Variants in ZNF557 observed in about 807,000 individuals in gnomAD.
ZNF557 encodes zinc finger protein 557, also known as CTB-25J19.9.
In ZNF557, 19 loss-of-function variants were observed where a neutral mutation model predicts 21.2. The ratio of observed to expected loss-of-function variants is 0.90; its 90% CI spans 0.63 to 1.32. ZNF557 has a LOEUF of 1.32. Among genes scored for constraint, ZNF557 ranks in the 40% most tolerant of loss-of-function variants. The pLI is 0.00. For missense variants in ZNF557, 487 were observed against 519.8 expected, an observed-to-expected ratio of 0.94 and a Z score of 0.61; for synonymous variants, 207 against 194.8, an observed-to-expected ratio of 1.06 and a Z score of -0.52.
chr19:7,070,861 G>A (rs1977444211), intron 2 of ZNF557, among the ~76,000 whole-genome samples: 1 of 151,692 alleles, frequency 6.6e-6, no homozygotes, highest in South Asian at 2.1e-4. Context: ...TGCCTCCCAG[G>A]TTCAAGCAGT....
chr19:7,080,632 C>G (rs775572144), intron 5 of ZNF557, among the ~76,000 whole-genome samples: 8 of 152,188 alleles, frequency 5.3e-5, no homozygotes, highest in Non-Finnish European at 7.3e-5. Context: ...CTGTTCCCTT[C>G]AGCACTAGAA....
chr19:7,072,833 C>T (rs1172043933), intron 2 of ZNF557, among the ~76,000 whole-genome samples: 1 of 152,172 alleles, frequency 6.6e-6, no homozygotes, highest in Non-Finnish European at 1.5e-5. Flanking sequence ...CCCAGAAAGC[C>T]AGTTCTTAGA....
chr19:7,070,145 G>A (rs570682213), intron 1 of ZNF557, among the ~76,000 whole-genome samples: 1 of 152,298 alleles, frequency 6.6e-6, no homozygotes, highest in South Asian at 2.1e-4. Context: ...AGCCCCAAAT[G>A]TCATTAGTGC....
At chr19:7,071,283 TATGCTGTATA>T (rs1475667761) in intron 2 of ZNF557, among the ~76,000 whole-genome samples, 2 of 152,212 alleles carry the variant, frequency 1.3e-5, no homozygotes, top group Non-Finnish European at 2.9e-5. Context: ...CCTGTAGACT[TATGCTGTATA>T]ATAAGGTAGC....
At chr19:7,080,531 A>G (rs765228150) in intron 5 of ZNF557, among the ~76,000 whole-genome samples, 1 of 152,174 alleles carries the variant, frequency 6.6e-6, no homozygotes, top group Non-Finnish European at 1.5e-5. Flanking sequence ...GAGTTACACA[A>G]ATAAAGGGAA....
Position 7,085,595 on chromosome 19 carries a change from C to T in ZNF557, c.*1851C>T, listed in dbSNP as rs1473713988. 6.6e-6 allele frequency: 1 copy of T among 152,100 alleles called. No homozygotes were observed. Among genetic ancestry groups the T allele is most frequent in the Non-Finnish European group, 1.5e-5 (1 of 68,028 alleles). The allele number at this position is 152,100 out of a possible 1,614,324, so 9.4% of individuals were successfully genotyped here. On this transcript the variant is annotated 3_prime_UTR_variant, in exon 8 of 8. Transcript: ENST00000252840. ...TCAGAAAAATTTTCAGTGATTCCTCCCTTTATGCATGAGAGAATTCATTTA... is the reference window on the plus strand; with the variant it reads ...TCAGAAAAATTTTCAGTGATTCCTCTCTTTATGCATGAGAGAATTCATTTA...
Position 7,076,437 on chromosome 19 carries a change from G to C in ZNF557, c.177G>C (p.Leu59Phe). The part of the protein sequence containing the change: ...AVEFTQEEWA[L>F]LDPAQRTLYR... ...AGTTCACCCAGGAGGAGTGGGCATT[G>C]CTGGACCCTGCCCAAAGGACACTGT... Residue 59 changes from leucine to phenylalanine, a missense_variant, in exon 5 of 8, where the codon TTG becomes TTC. Leu to Phe is a conservative substitution (Grantham distance 22, BLOSUM62 0). Transcript: ENST00000252840. 6.2e-7 allele frequency: 1 copy of C among 1,614,212 alleles called. No homozygotes were observed. Among genetic ancestry groups the C allele is most frequent in the African/African-American group, 1.3e-5 (1 of 75,054 alleles).
In ZNF557 at chr19:7,075,107, T is replaced by G. The variant is rs1473122577; in HGVS notation, c.31+2T>G. The G allele has an allele frequency of 6.2e-7, 1 of 1,613,844 alleles. No homozygotes were observed. Among genetic ancestry groups the G allele is most frequent in the Non-Finnish European group, 8.5e-7 (1 of 1,179,958 alleles). ...CTGTCGTCCTGCCCCCAACTGCCGG[T>G]GAGTCATGGGGTCCTGGCAGTTCTC... On this transcript the variant is annotated splice_donor_variant, in intron 3 of 7. Transcript: ENST00000252840. LOFTEE classifies it high-confidence loss of function.
rs78935512 is a variant in ZNF557 at position 7,087,225 on chromosome 19, T to C, written c.*3481T>C. 2 of 83,152 alleles carry C rather than the reference T, an allele frequency of 2.4e-5. No individual in the cohort carries two copies. The highest frequency in any genetic ancestry group is 2.4e-4 in the Admixed American group (2 of 8,280). The allele number at this position is 83,152 out of a possible 1,614,324, so 5.2% of individuals were successfully genotyped here. A position where few individuals can be genotyped will look rare whatever the true frequency, so the allele number is the denominator to read the frequency against. ...AGCTTTTTTTTTTTTTTTTTTTTTT[T>C]TCTTCACTGTGGTGATAAAAACCAC... On this transcript the variant is annotated 3_prime_UTR_variant, in exon 8 of 8. Transcript: ENST00000252840.
intron 1 of ZNF557, among the ~76,000 whole-genome samples, chr19:7,070,276 C>T (rs994725154): frequency 6.6e-6 from 1 of 152,184 alleles, no homozygotes; most frequent in African/African-American, 2.4e-5. Context: ...TTTAAAGCAT[C>T]TGGAGTCACC....
chr19:7,071,024 C>T (rs930768309), intron 2 of ZNF557, among the ~76,000 whole-genome samples: 42 of 152,050 alleles, frequency 2.8e-4, no homozygotes, highest in African/African-American at 9.9e-4. Flanking sequence ...CCTCGGCCTC[C>T]TAAAGTGCTG....
rs1443701527 is a variant in ZNF557, at chr19:7,084,841, G to A, written c.*1097G>A. ...TAGCTGTAGGAAAGCCTTCAGTGAT[G>A]GCTTCAGGGAGTCACATGACAACTC... On this transcript the variant is annotated 3_prime_UTR_variant, in exon 8 of 8. Coordinates refer to ENST00000252840, the MANE Select transcript of ZNF557 (RefSeq NM_024341.3). 1.3e-5 allele frequency: 2 copies of A among 152,140 alleles called. No homozygotes were observed. Among genetic ancestry groups the A allele is most frequent in the African/African-American group, 4.8e-5 (2 of 41,434 alleles). The allele number at this position is 152,140 out of a possible 1,614,324, so 9.4% of individuals were successfully genotyped here.
Position 7,083,882 on chromosome 19 carries a change from CT to C in ZNF557, c.*140del, listed in dbSNP as rs1977777828. 6 of 1,036,002 alleles carry C rather than the reference CT, an allele frequency of 5.8e-6. No individual in the cohort carries two copies. The highest frequency in any genetic ancestry group is 7.0e-6 in the Non-Finnish European group (5 of 713,774). The allele number at this position is 1,036,002 out of a possible 1,614,324, so 64.2% of individuals were successfully genotyped here. A position where few individuals can be genotyped will look rare whatever the true frequency, so the allele number is the denominator to read the frequency against. ...AATTTTGTGGCTTCAAACAAAAACA[CT>C]TGTTATCTCAAAATTTTTGTAGGTC... On this transcript the variant is annotated 3_prime_UTR_variant, in exon 8 of 8. Transcript: ENST00000252840.
chr19:7,080,764 G>A (rs940029452), intron 5 of ZNF557, among the ~76,000 whole-genome samples: 20 of 152,160 alleles, frequency 1.3e-4, no homozygotes, highest in Admixed American at 5.9e-4. Context: ...TTCTCCTGTG[G>A]CTGTAAACTT....
At position 7,084,019 on chromosome 19, in the gene ZNF557, A is replaced by G; in HGVS notation, c.*275A>G. 1.1e-5 allele frequency: 4 copies of G among 364,668 alleles called. No individual in the cohort carries two copies. The highest frequency in any genetic ancestry group is 1.5e-5 in the Non-Finnish European group (3 of 199,874). The allele number at this position is 364,668 out of a possible 1,614,324, so 22.6% of individuals were successfully genotyped here. ...CAGAATTGTTACTGGTGAAGGGACCACTTCCAAATGGCTTACAAGCCCGAC... is the reference window on the plus strand; with the variant it reads ...CAGAATTGTTACTGGTGAAGGGACCGCTTCCAAATGGCTTACAAGCCCGAC... On this transcript the variant is annotated 3_prime_UTR_variant, in exon 8 of 8. Transcript: ENST00000252840.
chr19:7,075,206 G>A, intron 3 of ZNF557, 101 bp downstream of exon 3: 2 of 1,553,482 alleles, frequency 1.3e-6, no homozygotes, highest in Admixed American at 1.7e-5. Flanking sequence ...TGAGGCAGGA[G>A]TGGAGCCCCA....
At position 7,082,875 on chromosome 19, in the gene ZNF557, TAGG is replaced by T; in HGVS notation, c.427_429del (p.Glu143del). 1 of 1,560,898 alleles carries T rather than the reference TAGG, an allele frequency of 6.4e-7. No homozygotes were observed. Among genetic ancestry groups the T allele is most frequent in the Non-Finnish European group, 8.7e-7 (1 of 1,154,858 alleles). On this transcript the variant is annotated splice_acceptor_variant and coding_sequence_variant, in exon 8 of 8. Transcript: ENST00000252840. LOFTEE classifies it high-confidence loss of function. Reference sequence around the variant, plus strand: ...GTACTTATTGTCATCTCTTAATCAATAGGAGAGGAATCATCTTGGAGCAACACT... The same window carrying T: ...GTACTTATTGTCATCTCTTAATCAATAGAGGAATCATCTTGGAGCAACACT...
At chr19:7,081,923 A>G (rs953091543) in intron 6 of ZNF557, 47 bp from the exon 7 acceptor site, 1 of 1,468,926 alleles carries the variant, frequency 6.8e-7, no homozygotes, top group Non-Finnish European at 9.5e-7. Context: ...TCAACTTAAA[A>G]TTTGCCTCTT....
At position 7,087,840 on chromosome 19, in the gene ZNF557, AT is replaced by A. The variant is rs1332966130; in HGVS notation, c.*4101del. ...CTGAAAACAGTATACTATGTATCTA[AT>A]TTTTGGATACAGGATGGACATACGT... is the stretch of plus-strand genomic sequence containing the variant. On this transcript the variant is annotated 3_prime_UTR_variant, in exon 8 of 8. Coordinates refer to ENST00000252840, the MANE Select transcript of ZNF557 (RefSeq NM_024341.3). 6.6e-6 allele frequency: 1 copy of A among 151,938 alleles called. No homozygotes were observed. Among genetic ancestry groups the A allele is most frequent in the Non-Finnish European group, 1.5e-5 (1 of 67,980 alleles). 9.4% of individuals were successfully genotyped at this position (151,938 alleles called of 1,614,324 possible). A position where few individuals can be genotyped will look rare whatever the true frequency, so the allele number is the denominator to read the frequency against.
Sources: allele counts gnomAD v4.1 joint callset (sites outside exome capture counted in the v4.1 genomes callset), GRCh38; gene constraint gnomAD v4.1.1; transcripts MANE v1.5; gene names NCBI Gene and HGNC (gene_info 2026-07-23, HGNC 2026-07-21).